Variants in ITPR2 observed in about 807,000 individuals in gnomAD.
ITPR2 encodes the protein inositol 1,4,5-trisphosphate-gated calcium channel ITPR2.
Under a neutral mutation model 317.1 loss-of-function variants are expected in ITPR2, and 207 were observed. That is an observed-to-expected ratio of 0.65 (90% CI 0.58 to 0.73). ITPR2 has a LOEUF of 0.73. ITPR2 is among the 30% of genes least tolerant of loss of function. ITPR2 has a pLI of 0.00. For synonymous variants in ITPR2, 1,156 were observed against 1,149.1 expected, an observed-to-expected ratio of 1.01 and a Z score of -0.12; for missense variants, 2,613 against 3,284.0, an observed-to-expected ratio of 0.80 and a Z score of 4.99.
At chr12:26,595,031 G>C (rs1945806756) in intron 32 of ITPR2, among the ~76,000 whole-genome samples, 1 of 152,174 alleles carries the variant, frequency 6.6e-6, no homozygotes, top group Admixed American at 6.5e-5. Context: ...AGCGAGCAAG[G>C]CCAAGTCCTC....
At chr12:26,380,176 GTCT>G (rs574682577) in intron 55 of ITPR2, among the ~76,000 whole-genome samples, 99 of 152,274 alleles carry the variant, frequency 6.5e-4, no homozygotes, top group African/African-American at 2.3e-3. Flanking sequence ...TTAAGATGAA[GTCT>G]TCTTCTTCAT....
intron 45 of ITPR2, among the ~76,000 whole-genome samples, chr12:26,473,894 T>C (rs954898659): frequency 6.6e-6 from 1 of 152,238 alleles, no homozygotes; most frequent in Non-Finnish European, 1.5e-5. Flanking sequence ...GCTCAGCAGC[T>C]AAAATGCTCA....
chr12:26,718,785 T>C (rs1948785835), intron 5 of ITPR2, among the ~76,000 whole-genome samples: 1 of 152,032 alleles, frequency 6.6e-6, no homozygotes. Flanking sequence ...CTAATTTTTG[T>C]ATTTTTAGTA....
intron 37 of ITPR2, among the ~76,000 whole-genome samples, chr12:26,508,102 C>T (rs979876111): frequency 3.3e-5 from 5 of 152,132 alleles, no homozygotes; most frequent in South Asian, 2.1e-4. Context: ...GATTCTAACA[C>T]ACCCATTTCT....
chr12:26,809,417 A>G (rs922798213), intron 1 of ITPR2, among the ~76,000 whole-genome samples: 2 of 152,182 alleles, frequency 1.3e-5, no homozygotes, highest in Non-Finnish European at 2.9e-5. Flanking sequence ...AAATGTACAC[A>G]ATGAATTTTT....
At chr12:26,827,044 C>T (rs1361581190) in intron 1 of ITPR2, among the ~76,000 whole-genome samples, 1 of 152,190 alleles carries the variant, frequency 6.6e-6, no homozygotes, top group Non-Finnish European at 1.5e-5. Context: ...AAGTGGACAG[C>T]ACATCCCAAG....
intron 2 of ITPR2, among the ~76,000 whole-genome samples, chr12:26,728,470 A>C (rs910825367): frequency 1.3e-5 from 2 of 152,178 alleles, no homozygotes; most frequent in African/African-American, 4.8e-5. Context: ...CTCATTTTAT[A>C]TTACAGTAAA....
chr12:26,623,158 C>CT (rs1946539113), intron 24 of ITPR2, among the ~76,000 whole-genome samples: 1 of 152,222 alleles, frequency 6.6e-6, no homozygotes. Context: ...CCAACTCTAT[C>CT]TGTGGTTTTA....
At chr12:26,793,708 T>C (rs1950381872) in intron 1 of ITPR2, among the ~76,000 whole-genome samples, 2 of 152,224 alleles carry the variant, frequency 1.3e-5, no homozygotes, top group Non-Finnish European at 2.9e-5. Context: ...TAAAGTGACA[T>C]TTAAAATCAG....
intron 32 of ITPR2, among the ~76,000 whole-genome samples, chr12:26,587,234 G>C (rs1945551595): frequency 6.6e-6 from 1 of 150,678 alleles, no homozygotes; most frequent in Non-Finnish European, 1.5e-5. Context: ...GCAGTGAACA[G>C]AGATAAAATT....
chr12:26,407,977 C>T (rs759450156), intron 52 of ITPR2, among the ~76,000 whole-genome samples: 9 of 152,196 alleles, frequency 5.9e-5, no homozygotes, highest in African/African-American at 2.2e-4. Flanking sequence ...ACACTTCTCC[C>T]TCCTCTCGGC....
rs758874147 is a variant in ITPR2, at chr12:26,597,033, C to T, written c.4104G>A (p.Glu1368=). The change falls in exon 31 of 57, where the codon GAG becomes GAA. Residue 1368 remains glutamate (E), a synonymous_variant. Transcript: ENST00000381340. ...TGATGTGGTAGGCTAAGGGGCCACT[C>T]TCATCCCCTCGGTCTCTCTCTGAAC... is the stretch of plus-strand genomic sequence containing the variant. The part of the protein sequence containing the change: ...MMCSERDRGD[E]SGPLAYHITL... 2 of 1,614,054 alleles carry T rather than the reference C, an allele frequency of 1.2e-6. No homozygotes were observed. Among genetic ancestry groups the T allele is most frequent in the East Asian group, 4.5e-5 (2 of 44,876 alleles).
chr12:26,831,931 A>AT lies in ITPR2; in HGVS notation c.92+758dup, dbSNP rs569921814. Among the ~76,000 whole-genome samples the AT allele has an allele frequency of 2.3e-3, 336 of 147,044 alleles. 3 individuals are homozygous for AT. Among genetic ancestry groups the AT allele is most frequent in the Middle Eastern group, 0.011 (3 of 282 alleles). The stretch of plus-strand genomic sequence containing the variant: ...TACATATATGTGTATATATATATAT[A>AT]TTTTTCCCCCCATTCAACTCGAATC... On this transcript the variant is annotated intron_variant, in intron 1 of 56. Transcript: ENST00000381340. This position sits in a 1 kb window ranked among gnomAD's most constrained non-coding sequence, Gnocchi z 4.9.
At chr12:26,580,967 T>C (rs1472358355) in intron 32 of ITPR2, among the ~76,000 whole-genome samples, 1 of 151,514 alleles carries the variant, frequency 6.6e-6, no homozygotes, top group Admixed American at 6.6e-5. Context: ...AACATAGAGA[T>C]AAAAAGAAAA....
intron 2 of ITPR2, among the ~76,000 whole-genome samples, chr12:26,735,682 T>C (rs554467517): frequency 1.3e-5 from 2 of 152,358 alleles, no homozygotes; most frequent in South Asian, 2.1e-4. Flanking sequence ...TCAAAAGCCA[T>C]ACTTCTGGAA....
At chr12:26,638,427 C>T (rs999636397) in intron 21 of ITPR2, among the ~76,000 whole-genome samples, 1 of 152,174 alleles carries the variant, frequency 6.6e-6, no homozygotes, top group African/African-American at 2.4e-5. Flanking sequence ...AAATTTCCAT[C>T]ACCCTAGAAA....
chr12:26,498,842 C>A, intron 37 of ITPR2, among the ~76,000 whole-genome samples: 1 of 152,190 alleles, frequency 6.6e-6, no homozygotes, highest in Middle Eastern at 3.4e-3. Context: ...ATTATTATTT[C>A]TATTATTATT....
intron 34 of ITPR2, among the ~76,000 whole-genome samples, chr12:26,566,858 C>T (rs1413108222): frequency 6.6e-6 from 1 of 152,174 alleles, no homozygotes; most frequent in African/African-American, 2.4e-5. Flanking sequence ...CAGATGGCCT[C>T]AACTCTGCCA....
At chr12:26,722,987 T>A (rs567937605) in intron 4 of ITPR2, among the ~76,000 whole-genome samples, 37 of 152,274 alleles carry the variant, frequency 2.4e-4, no homozygotes, top group African/African-American at 7.9e-4. Flanking sequence ...TAACCAGCCC[T>A]GCCCACAGTC....
Sources: gnomAD v4.1 joint callset for allele counts (sites outside exome capture counted in the v4.1 genomes callset) on GRCh38, gnomAD v4.1.1 for gene constraint, Gnocchi (gnomAD v3.1) non-coding constraint, MANE v1.5 for transcripts, NCBI Gene and HGNC (gene_info 2026-07-23, HGNC 2026-07-21) for gene names.